Variants in TNKS2 observed in about 807,000 individuals in gnomAD.
TNKS2 encodes tankyrase 2.
Under a neutral mutation model 137.6 loss-of-function variants are expected in TNKS2, and 72 were observed. That is an observed-to-expected ratio of 0.52 (90% CI 0.43 to 0.64). The LOEUF (loss-of-function observed/expected upper bound fraction) is 0.64. TNKS2 is among the 30% of genes least tolerant of loss of function. The pLI, the probability that TNKS2 is intolerant of heterozygous loss-of-function variation, is 0.00. For synonymous variants in TNKS2, 516 were observed against 512.1 expected (o/e 1.01, Z -0.10); for missense variants, 1,049 against 1,410.2 (o/e 0.74, Z 4.10).
intron 1 of TNKS2, among the ~76,000 whole-genome samples, chr10:91,802,298 T>C (rs976588169): frequency 6.6e-6 from 1 of 152,202 alleles, no homozygotes; most frequent in African/African-American, 2.4e-5. Context: ...CGAAAATTAG[T>C]GCTGCTTATT....
chr10:91,855,339 G>A (rs1361568146), intron 22 of TNKS2, among the ~76,000 whole-genome samples: 1 of 150,466 alleles, frequency 6.6e-6, no homozygotes, highest in Non-Finnish European at 1.5e-5. Flanking sequence ...TTTTGTGTTT[G>A]TTTTTGTTTT....
chr10:91,825,134 C>T (rs942685831), intron 7 of TNKS2, among the ~76,000 whole-genome samples: 2 of 152,044 alleles, frequency 1.3e-5, no homozygotes, highest in Admixed American at 1.3e-4. Context: ...GAGGGTCTCA[C>T]TCTGCCACCC....
rs754417542 is a variant in TNKS2 at position 91,865,074 on chromosome 10, G to A, written c.*2075G>A. On this transcript the variant is annotated 3_prime_UTR_variant, in exon 27 of 27. Transcript: ENST00000371627. The stretch of plus-strand genomic sequence containing the variant: ...TGTTGGGAAGTTGGGGTTTTGGGGG[G>A]AGGGGGAGTATTAGTACGTTGCATG... 6.6e-6 allele frequency: 1 copy of A among 152,294 alleles called. No individual in the cohort carries two copies. Among genetic ancestry groups the A allele is most frequent in the Non-Finnish European group, 1.5e-5 (1 of 67,968 alleles). The allele number at this position is 152,294 out of a possible 1,614,324, so 9.4% of individuals were successfully genotyped here.
intron 1 of TNKS2, among the ~76,000 whole-genome samples, chr10:91,809,126 A>G (rs1844418367): frequency 6.6e-6 from 1 of 152,220 alleles, no homozygotes; most frequent in Non-Finnish European, 1.5e-5. Context: ...ATTATTAATA[A>G]TAGATGTTTT....
At chr10:91,831,078 G>C in intron 10 of TNKS2, 25 bp from the exon 11 acceptor site, 1 of 1,613,298 alleles carries the variant, frequency 6.2e-7, no homozygotes, top group Non-Finnish European at 8.5e-7. Flanking sequence ...TATATTCACT[G>C]TCTGGCTGAT....
At chr10:91,826,472 C>A (rs546465396) in intron 7 of TNKS2, among the ~76,000 whole-genome samples, 22 of 152,238 alleles carry the variant, frequency 1.4e-4, no homozygotes, top group African/African-American at 5.3e-4. Context: ...TGAATCTCAG[C>A]AACATTATAT....
intron 15 of TNKS2, among the ~76,000 whole-genome samples, chr10:91,841,948 G>A (rs1842219580): frequency 1.7e-5 from 2 of 118,356 alleles, no homozygotes; most frequent in African/African-American, 3.6e-5. Context: ...TTAAAATTTT[G>A]ACTACATTAA....
intron 24 of TNKS2, among the ~76,000 whole-genome samples, chr10:91,858,158 G>GTCTGTT (rs1258674710): frequency 1.3e-5 from 2 of 152,134 alleles, no homozygotes; most frequent in South Asian, 4.1e-4. Context: ...AGTAGTTCCA[G>GTCTGTT]TCTGTTTCTT....
Position 91,840,680 on chromosome 10 carries a change from A to C in TNKS2, c.1647A>C (p.Gly549=). 3 of 1,613,966 alleles carry C rather than the reference A, an allele frequency of 1.9e-6. No homozygotes were observed. The highest frequency in any genetic ancestry group is 2.5e-6 in the Non-Finnish European group (3 of 1,179,942). ...VSVVEYLLQH[G]ADVHAKDKGG... is the part of the protein sequence containing the mutation. ...TGGTGGAATATCTGCTACAGCATGGAGCTGATGTGCATGCTAAAGATAAAG... is the reference window on the plus strand; with the variant it reads ...TGGTGGAATATCTGCTACAGCATGGCGCTGATGTGCATGCTAAAGATAAAG... Residue 549 remains glycine (G), a synonymous_variant, in exon 14 of 27, where the codon GGA becomes GGC. Transcript: ENST00000371627.
intron 13 of TNKS2, among the ~76,000 whole-genome samples, chr10:91,839,156 G>A (rs779558618): frequency 1.3e-5 from 2 of 151,254 alleles, no homozygotes; most frequent in African/African-American, 2.4e-5. Flanking sequence ...GTGAGCCACC[G>A]TGCCCGGCCT....
At chr10:91,801,346 A>G (rs1157125168) in intron 1 of TNKS2, among the ~76,000 whole-genome samples, 3 of 152,204 alleles carry the variant, frequency 2.0e-5, no homozygotes, top group African/African-American at 7.2e-5. Flanking sequence ...ACTAGATTGC[A>G]TACTTTTCTT....
chr10:91,855,261 A>G, intron 22 of TNKS2, 135 bp downstream of exon 22: 2 of 655,766 alleles, frequency 3.0e-6, no homozygotes, highest in Non-Finnish European at 5.3e-6. Context: ...CTGATTATCT[A>G]ATATTACTAG....
intron 7 of TNKS2, among the ~76,000 whole-genome samples, chr10:91,824,566 T>C (rs1397672677): frequency 6.6e-6 from 1 of 152,206 alleles, no homozygotes; most frequent in Non-Finnish European, 1.5e-5. Context: ...GATATTTCTT[T>C]GCTTGGAAGG....
intron 16 of TNKS2, among the ~76,000 whole-genome samples, chr10:91,843,826 A>G (rs1163849780): frequency 1.3e-5 from 2 of 152,226 alleles, no homozygotes; most frequent in Admixed American, 1.3e-4. Context: ...GAAATGTATG[A>G]TGTTCATTTC....
intron 6 of TNKS2, 123 bp downstream of exon 6, chr10:91,820,156 T>C (rs1267775952): frequency 2.6e-5 from 15 of 581,654 alleles, no homozygotes; most frequent in East Asian, 7.0e-5. Context: ...GCTTTTACAA[T>C]GTACAGGTTG....
intron 1 of TNKS2, 77 bp from the exon 2 acceptor site, chr10:91,812,906 T>A: frequency 6.5e-7 from 1 of 1,530,390 alleles, no homozygotes; most frequent in Non-Finnish European, 8.8e-7. Context: ...CTGAAACATT[T>A]TAGTATGGAT....
chr10:91,828,410 A>G lies in TNKS2; in HGVS notation c.1104+4A>G. On this transcript the variant is annotated splice_donor_region_variant and intron_variant, in intron 9 of 26. Transcript: ENST00000371627. ...TCAAACACATGAAACAGCATTGGTA[A>G]TGTTTCAGATTTAAGTTTTTAAAAT... 6.4e-7 allele frequency: 1 copy of G among 1,558,168 alleles called. No individual in the cohort carries two copies. The highest frequency in any genetic ancestry group is 8.6e-7 in the Non-Finnish European group (1 of 1,156,620).
In TNKS2 at chr10:91,848,781, A is replaced by G. The variant is rs981639977; in HGVS notation, c.2611+146A>G. The G allele has an allele frequency of 1.4e-5, 12 of 876,774 alleles. No individual in the cohort carries two copies. In the African/African-American group the frequency reaches 1.5e-4, roughly 11 times the overall value. The allele number at this position is 876,774 out of a possible 1,614,324, so 54.3% of individuals were successfully genotyped here. A position where few individuals can be genotyped will look rare whatever the true frequency, so the allele number is the denominator to read the frequency against. The stretch of plus-strand genomic sequence containing the variant: ...TAGCCTTAAAAAGGTTTAACCTTGT[A>G]TTACTTTCTTCCTTCCAAGTTGACA... On this transcript the variant is annotated intron_variant, in intron 19 of 26. Coordinates refer to ENST00000371627, the MANE Select transcript of TNKS2 (RefSeq NM_025235.4).
intron 24 of TNKS2, among the ~76,000 whole-genome samples, chr10:91,857,926 C>T (rs1025363300): frequency 6.6e-6 from 1 of 152,070 alleles, no homozygotes; most frequent in Non-Finnish European, 1.5e-5. Flanking sequence ...GTATCAAACC[C>T]ACACAATTTG....
Sources: allele counts gnomAD v4.1 joint callset (sites outside exome capture counted in the v4.1 genomes callset), GRCh38; gene constraint gnomAD v4.1.1; transcripts MANE v1.5; gene names NCBI Gene and HGNC (gene_info 2026-07-23, HGNC 2026-07-21).